ERCC6L2: variants seen among roughly 807,000 people sequenced by gnomAD.
ERCC6L2 encodes the protein DNA excision repair protein ERCC-6-like 2.
ERCC6L2 carries 77 observed loss-of-function variants against 132.0 expected under a neutral mutation model. The ratio of observed to expected loss-of-function variants is 0.58; its 90% confidence interval spans 0.49 to 0.71. ERCC6L2 has a LOEUF of 0.71. ERCC6L2 is among the 30% of genes least tolerant of loss of function. The pLI is 0.00. For synonymous variants in ERCC6L2, 583 were observed against 632.4 expected (o/e 0.92, Z 1.17); for missense variants, 1,542 against 1,837.6 (o/e 0.84, Z 2.94).
At chr9:96,032,286 C>T (rs533100961) in intron 19 of ERCC6L2, among the ~76,000 whole-genome samples, 37 of 152,310 alleles carry the variant, frequency 2.4e-4, no homozygotes, top group Non-Finnish European at 2.5e-4. Flanking sequence ...ACGAGCAGCT[C>T]CACTCATGTT....
chr9:95,962,584 G>C (rs1831958973), intron 13 of ERCC6L2, among the ~76,000 whole-genome samples: 1 of 152,152 alleles, frequency 6.6e-6, no homozygotes, highest in South Asian at 2.1e-4. Flanking sequence ...ATTTTTAAGT[G>C]AGTTGAAAAA....
In ERCC6L2 at chr9:96,002,821, A is replaced by C. The variant is rs561314847; in HGVS notation, c.3493-1699A>C. Among the ~76,000 whole-genome samples the C allele has an allele frequency of 2.0e-5, 3 of 152,274 alleles. No individual in the cohort carries two copies. The East Asian group carries it at 5.8e-4, about 29-fold the overall frequency. On this transcript the variant is annotated intron_variant, in intron 17 of 18. Coordinates refer to ENST00000653738, the MANE Select transcript of ERCC6L2 (RefSeq NM_020207.7). ...CTTTATCTGTGATATAACAAAATGC[A>C]GGTTTATTTTCATTTTTCCTACTAG... is the stretch of plus-strand genomic sequence containing the variant.
At chr9:95,922,810 C>T (rs954779192) in intron 8 of ERCC6L2, among the ~76,000 whole-genome samples, 1 of 152,118 alleles carries the variant, frequency 6.6e-6, no homozygotes, top group Non-Finnish European at 1.5e-5. Context: ...GTTTACCAAA[C>T]TGGCAAAAAT....
chr9:95,953,536 T>G (rs544466344), intron 12 of ERCC6L2, among the ~76,000 whole-genome samples: 31 of 150,600 alleles, frequency 2.1e-4, no homozygotes, highest in African/African-American at 7.6e-4. Context: ...GATTGAGCCA[T>G]TGCACTCCAG....
chr9:95,941,986 C>T (rs1830826124), intron 12 of ERCC6L2, among the ~76,000 whole-genome samples: 2 of 152,150 alleles, frequency 1.3e-5, no homozygotes, highest in South Asian at 2.1e-4. Flanking sequence ...AGACAGAGTG[C>T]ATCATTCTGG....
chr9:95,970,651 G>C lies in ERCC6L2; in HGVS notation c.2176G>C (p.Glu726Gln), dbSNP rs554158930. Residue 726 changes from glutamate to glutamine, a missense_variant, in exon 15 of 19, where the codon GAA (glutamate) becomes CAA (glutamine). Transcript: ENST00000653738. ...AGAGGGACCTCCAGCACACAAACTG[G>C]AAATGGTATGTAATATTTGAACCTG... Reference protein sequence around the residue: ...LKEGPPAHKLEMPRQPDCQEC... With the variant: ...LKEGPPAHKLQMPRQPDCQEC... The C allele has an allele frequency of 4.1e-5, 54 of 1,303,074 alleles. No individual in the cohort carries two copies. The highest frequency in any genetic ancestry group is 5.3e-5 in the Non-Finnish European group (52 of 988,286). 80.7% of individuals were successfully genotyped at this position (1,303,074 alleles called of 1,614,324 possible). A position where few individuals can be genotyped will look rare whatever the true frequency, so the allele number is the denominator to read the frequency against.
intron 19 of ERCC6L2, among the ~76,000 whole-genome samples, chr9:96,036,398 T>C (rs992440980): frequency 1.3e-5 from 2 of 152,268 alleles, no homozygotes; most frequent in Non-Finnish European, 2.9e-5. Context: ...GGCTGCATAA[T>C]ATTCCACATT....
intron 17 of ERCC6L2, among the ~76,000 whole-genome samples, chr9:95,981,140 G>T (rs1832876539): frequency 6.6e-6 from 1 of 152,108 alleles, no homozygotes; most frequent in South Asian, 2.1e-4. Flanking sequence ...ATACCATAGA[G>T]TCTGAATTAG....
In ERCC6L2 at chr9:95,966,724, T is replaced by A. The variant is rs764875771; in HGVS notation, c.2100+10T>A. 1.4e-6 allele frequency: 2 copies of A among 1,427,632 alleles called. No individual in the cohort carries two copies. The highest frequency in any genetic ancestry group is 2.5e-5 in the East Asian group (1 of 40,424). The allele number at this position is 1,427,632 out of a possible 1,614,324, so 88.4% of individuals were successfully genotyped here. Reference sequence around the variant, plus strand: ...GAAGGACATCCTGGAGGTGTGAACTTCTTCTCTGACCTTTTCAATAATATT... The same window carrying A: ...GAAGGACATCCTGGAGGTGTGAACTACTTCTCTGACCTTTTCAATAATATT... On this transcript the variant is annotated intron_variant, in intron 14 of 18. Coordinates refer to ENST00000653738, the MANE Select transcript of ERCC6L2 (RefSeq NM_020207.7).
intron 19 of ERCC6L2, among the ~76,000 whole-genome samples, chr9:96,029,042 G>C (rs568147661): frequency 4.4e-4 from 67 of 152,120 alleles, no homozygotes; most frequent in African/African-American, 1.0e-3. Context: ...CGGTGGCTCA[G>C]GCCTGTAATC....
chr9:96,006,656 A>G lies in ERCC6L2; in HGVS notation c.3674+1955A>G, dbSNP rs569869501. ...GAGATCATGTCAGAGAGGTGAAAAC[A>G]GAAAGAGGGAGGGCCTGGAAGCAGT... On this transcript the variant is annotated intron_variant, in intron 18 of 18. Coordinates refer to ENST00000653738, the MANE Select transcript of ERCC6L2 (RefSeq NM_020207.7). Among the ~76,000 whole-genome samples the G allele has an allele frequency of 4.6e-5, 7 of 152,344 alleles. No homozygotes were observed. In the East Asian group the frequency reaches 1.4e-3, roughly 29 times the overall value.
chr9:95,937,219 A>G (rs1420352895), intron 11 of ERCC6L2, among the ~76,000 whole-genome samples: 2 of 152,174 alleles, frequency 1.3e-5, no homozygotes, highest in Admixed American at 6.5e-5. Flanking sequence ...AAGTGGCTAT[A>G]TGGTTTTACA....
At position 95,880,969 on chromosome 9, in the gene ERCC6L2, G is replaced by T. The variant is rs1160253932; in HGVS notation, c.147G>T (p.Lys49Asn). Residue 49 changes from lysine to asparagine, a missense_variant, in exon 2 of 19, where the codon AAG (lysine) becomes AAT (asparagine). This residue lies in a region of ERCC6L2 where 153 missense variants were observed against 132.3 expected (regional missense o/e 1.16). Transcript: ENST00000653738. Reference protein sequence around the residue: ...IKSITVDENGKSFAVVLYADF... With the variant: ...IKSITVDENGNSFAVVLYADF... ...CTATCACAGTGGATGAAAATGGCAAGTCATTTGCAGTCGTCTTATATGCAG... is the reference window on the plus strand; with the variant it reads ...CTATCACAGTGGATGAAAATGGCAATTCATTTGCAGTCGTCTTATATGCAG... 1.2e-6 allele frequency: 2 copies of T among 1,613,994 alleles called. No individual in the cohort carries two copies. Among genetic ancestry groups the T allele is most frequent in the Non-Finnish European group, 8.5e-7 (1 of 1,179,906 alleles).
intron 17 of ERCC6L2, among the ~76,000 whole-genome samples, chr9:96,002,343 T>C (rs552638483): frequency 5.4e-4 from 83 of 152,340 alleles, no homozygotes; most frequent in African/African-American, 1.8e-3. Flanking sequence ...TTTTGTTTTT[T>C]TCTCTGCGTG....
Position 95,916,114 on chromosome 9 carries a change from C to G in ERCC6L2, c.951-113C>G, listed in dbSNP as rs189778365. 5 of 1,018,234 alleles carry G rather than the reference C, an allele frequency of 4.9e-6. No homozygotes were observed. The African/African-American group carries it at 8.1e-5, about 17-fold the overall frequency. 63.1% of individuals were successfully genotyped at this position (1,018,234 alleles called of 1,614,324 possible). On this transcript the variant is annotated intron_variant, in intron 5 of 18. Transcript: ENST00000653738. ...AAGAAAGAACATTCTGTTTTCTTGG[C>G]TTTTGTTTTTGTTACCGTTGATAAT...
At chr9:95,925,421 A>G (rs1830058867) in intron 9 of ERCC6L2, among the ~76,000 whole-genome samples, 1 of 152,208 alleles carries the variant, frequency 6.6e-6, no homozygotes, top group Non-Finnish European at 1.5e-5. Context: ...GAGGAAAGTT[A>G]AGATCCAAGG....
At chr9:95,897,020 T>A (rs1828501193) in intron 2 of ERCC6L2, among the ~76,000 whole-genome samples, 2 of 152,030 alleles carry the variant, frequency 1.3e-5, no homozygotes, top group South Asian at 4.1e-4. Flanking sequence ...TTTCTATAAT[T>A]TTTCTAATTC....
At chr9:95,987,595 G>T (rs985200416) in intron 17 of ERCC6L2, among the ~76,000 whole-genome samples, 2 of 152,176 alleles carry the variant, frequency 1.3e-5, no homozygotes, top group Non-Finnish European at 1.5e-5. Context: ...CTGCCCCTGT[G>T]GCTTTGCAGG....
At chr9:95,932,553 T>G (rs62562970) in intron 11 of ERCC6L2, among the ~76,000 whole-genome samples, 14,585 of 152,182 alleles carry the variant, frequency 0.096, 799 homozygotes, top group Admixed American at 0.14. Flanking sequence ...ATGAATTTAT[T>G]AATGAGTTTG....
Sources: gnomAD v4.1 joint callset for allele counts (sites outside exome capture counted in the v4.1 genomes callset) on GRCh38, gnomAD v4.1.1 for gene constraint, gnomAD v4.1.1 regional missense constraint, MANE v1.5 for transcripts, NCBI Gene and HGNC (gene_info 2026-07-23, HGNC 2026-07-21) for gene names.